Variants in AGPAT5 observed in about 807,000 individuals in gnomAD.
AGPAT5 encodes the protein 1-acyl-sn-glycerol-3-phosphate acyltransferase epsilon.
In AGPAT5, 46 loss-of-function variants were observed where a neutral mutation model predicts 45.6. The observed-to-expected ratio is 1.01, with a 90% CI of 0.80 to 1.29. AGPAT5 has a LOEUF of 1.29. AGPAT5 is among the 50% of genes most tolerant of loss of function. The pLI is 0.00. For synonymous variants in AGPAT5, 272 were observed against 167.0 expected (o/e 1.63, Z -4.85); for missense variants, 673 against 450.7 (o/e 1.49, Z -4.47).
chr8:6,708,998 A>T, intron 1 of AGPAT5, 111 bp downstream of exon 1: 1 of 986,918 alleles, frequency 1.0e-6, no homozygotes. Context: ...CGGCGGACCC[A>T]GCACGGAGAG....
chr8:6,725,342 T>C (rs1255270248), intron 2 of AGPAT5, among the ~76,000 whole-genome samples: 1 of 152,248 alleles, frequency 6.6e-6, no homozygotes, highest in Non-Finnish European at 1.5e-5. Context: ...AGTACTCGTT[T>C]CCTTACTATG....
At chr8:6,712,002 G>T (rs1265213992) in intron 1 of AGPAT5, among the ~76,000 whole-genome samples, 2 of 152,210 alleles carry the variant, frequency 1.3e-5, no homozygotes. Context: ...CAGGGCTTAG[G>T]ATGTGGACAC....
At chr8:6,726,040 G>A (rs1381919377) in intron 2 of AGPAT5, among the ~76,000 whole-genome samples, 1 of 152,342 alleles carries the variant, frequency 6.6e-6, no homozygotes, top group Non-Finnish European at 1.5e-5. Context: ...ACAAGGGGTT[G>A]ATAGGAATCT....
chr8:6,720,483 C>A (rs1327763158), intron 1 of AGPAT5, among the ~76,000 whole-genome samples: 1 of 152,138 alleles, frequency 6.6e-6, no homozygotes, highest in Non-Finnish European at 1.5e-5. Context: ...AAGGCTCCTC[C>A]ATGTTTGTAA....
chr8:6,755,124 A>G lies in AGPAT5; in HGVS notation c.819A>G (p.Glu273=). The G allele has an allele frequency of 6.2e-7, 1 of 1,609,608 alleles. No homozygotes were observed. The highest frequency in any genetic ancestry group is 8.5e-7 in the Non-Finnish European group (1 of 1,179,168). Residue 273 remains glutamate, a synonymous_variant, in exon 7 of 8, where the codon GAA becomes GAG. Coordinates refer to ENST00000285518, the MANE Select transcript of AGPAT5 (RefSeq NM_018361.5). Reference sequence around the variant, plus strand: ...TCGACAAAAAAGATGTCCCAGAAGAACAAGAACATATGAGAAGATGGCTGC... The same window carrying G: ...TCGACAAAAAAGATGTCCCAGAAGAGCAAGAACATATGAGAAGATGGCTGC... ...DRIDKKDVPE[E]QEHMRRWLHE... is the part of the protein sequence containing the mutation.
chr8:6,713,823 C>T (rs1455071517), intron 1 of AGPAT5, among the ~76,000 whole-genome samples: 1 of 152,158 alleles, frequency 6.6e-6, no homozygotes, highest in Admixed American at 6.5e-5. Context: ...CTTGATCCAC[C>T]ATGCTTAGCT....
At chr8:6,744,857 C>T (rs1236503155) in intron 5 of AGPAT5, among the ~76,000 whole-genome samples, 4 of 152,330 alleles carry the variant, frequency 2.6e-5, no homozygotes, top group African/African-American at 9.6e-5. Context: ...CCCTGCCTTT[C>T]CTCAGCCCTT....
Position 6,757,542 on chromosome 8 carries a change from T to C in AGPAT5, c.*154T>C, listed in dbSNP as rs927538415. On this transcript the variant is annotated 3_prime_UTR_variant, in exon 8 of 8. Coordinates refer to ENST00000285518, the MANE Select transcript of AGPAT5 (RefSeq NM_018361.5). ...ATAGAATTTGTGACGAAAGCTGATA[T>C]GCAATGGTCTTGGGCAAACATACCT... is the stretch of plus-strand genomic sequence containing the variant. 1.5e-6 allele frequency: 1 copy of C among 647,994 alleles called. No individual in the cohort carries two copies. The highest frequency in any genetic ancestry group is 2.6e-6 in the Non-Finnish European group (1 of 380,190). The allele number at this position is 647,994 out of a possible 1,614,324, so 40.1% of individuals were successfully genotyped here. A position where few individuals can be genotyped will look rare whatever the true frequency, so the allele number is the denominator to read the frequency against.
intron 6 of AGPAT5, among the ~76,000 whole-genome samples, chr8:6,753,913 GT>G (rs2116963826): frequency 6.6e-6 from 1 of 152,308 alleles, no homozygotes; most frequent in Non-Finnish European, 1.5e-5. Context: ...AAGAAGAGCA[GT>G]TGCAGAGAGT....
chr8:6,713,984 G>A (rs1800240673), intron 1 of AGPAT5, among the ~76,000 whole-genome samples: 1 of 152,166 alleles, frequency 6.6e-6, no homozygotes, highest in South Asian at 2.1e-4. Flanking sequence ...TTTATATTCT[G>A]AATCTTGCTG....
rs1445034384 is a variant in AGPAT5 at position 6,758,689 on chromosome 8, A to G, written c.*1301A>G. 6.5e-6 allele frequency: 1 copy of G among 152,676 alleles called. No homozygotes were observed. The highest frequency in any genetic ancestry group is 1.5e-5 in the Non-Finnish European group (1 of 68,052). 9.5% of individuals were successfully genotyped at this position (152,676 alleles called of 1,614,324 possible). A position where few individuals can be genotyped will look rare whatever the true frequency, so the allele number is the denominator to read the frequency against. ...TACACATTAATATGTATCGCCTTAG[A>G]GCAAGAGCTGTGTTCCAGGAACCAG... On this transcript the variant is annotated 3_prime_UTR_variant, in exon 8 of 8. Transcript: ENST00000285518.
intron 2 of AGPAT5, among the ~76,000 whole-genome samples, chr8:6,728,028 T>G (rs1800744594): frequency 1.3e-5 from 2 of 152,342 alleles, no homozygotes; most frequent in South Asian, 4.1e-4. Flanking sequence ...AGCATAGCGC[T>G]GGATCCATGG....
At position 6,747,676 on chromosome 8, in the gene AGPAT5, C is replaced by A. The variant is rs1284160323; in HGVS notation, c.593C>A (p.Ala198Glu). ...SQAFAAQRGLAVLKHVLTPRI... is the reference protein window; with the variant it reads ...SQAFAAQRGLEVLKHVLTPRI... ...GCACTGAATTGACTTCTAGGCCTTG[C>A]AGTATTAAAACATGTGCTAACACCA... The change falls in exon 6 of 8, where the codon GCA (alanine) becomes GAA (glutamate). Residue 198 changes from alanine (A) to glutamate (E), a missense_variant. Physicochemically the swap from Ala to Glu is moderately radical, Grantham distance 107. Coordinates refer to ENST00000285518, the MANE Select transcript of AGPAT5 (RefSeq NM_018361.5). The A allele has an allele frequency of 2.5e-6, 4 of 1,612,456 alleles. No individual in the cohort carries two copies. The highest frequency in any genetic ancestry group is 3.4e-6 in the Non-Finnish European group (4 of 1,178,840).
At chr8:6,746,041 G>A (rs1401523709) in intron 5 of AGPAT5, 1 of 148,086 alleles carries the variant, frequency 6.8e-6, no homozygotes, top group African/African-American at 2.5e-5. Context: ...TCTCTTGCTT[G>A]CTTGCTTTCT....
chr8:6,714,729 A>C (rs1487875878), intron 1 of AGPAT5, among the ~76,000 whole-genome samples: 8 of 152,202 alleles, frequency 5.3e-5, no homozygotes, highest in African/African-American at 1.9e-4. Context: ...AAGGTTCTTT[A>C]GTTAAATGAA....
chr8:6,721,309 G>A (rs904152301), intron 1 of AGPAT5, among the ~76,000 whole-genome samples: 1 of 152,170 alleles, frequency 6.6e-6, no homozygotes, highest in African/African-American at 2.4e-5. Flanking sequence ...TAATCATATT[G>A]AAATTGAAAT....
chr8:6,723,923 A>G (rs1800592120), intron 1 of AGPAT5, among the ~76,000 whole-genome samples: 2 of 152,242 alleles, frequency 1.3e-5, no homozygotes, highest in Non-Finnish European at 2.9e-5. Context: ...AAAAAGCCTT[A>G]GCTAATTTAT....
intron 3 of AGPAT5, 21 bp from the exon 4 acceptor site, chr8:6,732,540 C>T (rs763756656): frequency 6.4e-7 from 1 of 1,574,208 alleles, no homozygotes; most frequent in Non-Finnish European, 8.6e-7. Context: ...AATGCTCTTT[C>T]TCCCGATTTG....
rs956230198 is a variant in AGPAT5 at position 6,748,608 on chromosome 8, G to A, written c.745+780G>A. Among the ~76,000 whole-genome samples, 11 of 152,130 alleles carry A rather than the reference G, an allele frequency of 7.2e-5. No homozygotes were observed. The South Asian group carries it at 1.5e-3, about 20-fold the overall frequency. ...CAACCTCCGCCTCCCACGTTCACACGATTCTCCTGCCTCAGCCTCCTGAGT... is the reference window on the plus strand; with the variant it reads ...CAACCTCCGCCTCCCACGTTCACACAATTCTCCTGCCTCAGCCTCCTGAGT... On this transcript the variant is annotated intron_variant, in intron 6 of 7. Coordinates refer to ENST00000285518, the MANE Select transcript of AGPAT5 (RefSeq NM_018361.5).
Sources: gnomAD v4.1 joint callset for allele counts (sites outside exome capture counted in the v4.1 genomes callset) on GRCh38, gnomAD v4.1.1 for gene constraint, MANE v1.5 for transcripts, NCBI Gene and HGNC (gene_info 2026-07-23, HGNC 2026-07-21) for gene names.